DCBLD2: variants seen among roughly 807,000 people sequenced by gnomAD.
The protein encoded by DCBLD2 is discoidin, CUB and LCCL domain containing 2, also known as discoidin, CUB and LCCL domain-containing protein 2.
Under a neutral mutation model 86.8 loss-of-function variants are expected in DCBLD2, and 54 were observed. The ratio of observed to expected loss-of-function variants is 0.62; its 90% CI spans 0.50 to 0.78. DCBLD2 has a LOEUF of 0.78. DCBLD2 is among the 30% of genes least tolerant of loss of function. The pLI is 0.00. For synonymous variants in DCBLD2, 354 were observed against 341.3 expected (o/e 1.04, Z -0.41); for missense variants, 908 against 954.2 (o/e 0.95, Z 0.64).
At chr3:98,888,303 A>T (rs1943596270) in intron 1 of DCBLD2, among the ~76,000 whole-genome samples, 1 of 151,984 alleles carries the variant, frequency 6.6e-6, no homozygotes, top group Non-Finnish European at 1.5e-5. Context: ...ATGTGTGATA[A>T]TCTACAAAAC....
chr3:98,835,936 TTC>T (rs1942434972), intron 3 of DCBLD2, among the ~76,000 whole-genome samples: 3 of 37,090 alleles, frequency 8.1e-5, no homozygotes, highest in East Asian at 1.7e-3. Flanking sequence ...CTTCCTTTCT[TTC>T]TTTTTTTTTT....
chr3:98,855,306 A>T (rs889793764), intron 2 of DCBLD2, among the ~76,000 whole-genome samples: 2 of 152,180 alleles, frequency 1.3e-5, no homozygotes, highest in Non-Finnish European at 2.9e-5. Context: ...GTACACACAC[A>T]CCAGAACAGT....
At chr3:98,869,057 G>A (rs747116168) in intron 2 of DCBLD2, among the ~76,000 whole-genome samples, 1 of 152,182 alleles carries the variant, frequency 6.6e-6, no homozygotes, top group African/African-American at 2.4e-5. Flanking sequence ...TTCCACAGAG[G>A]TTGAACTAAT....
Position 98,899,668 on chromosome 3 carries a change from C to G in DCBLD2, c.205+1454G>C, listed in dbSNP as rs535751725. 8.5e-5 allele frequency among the ~76,000 whole-genome samples: 13 copies of G among 152,184 alleles called. 1 individual carries two copies. Among genetic ancestry groups the G allele is most frequent in the Admixed American group, 7.9e-4 (12 of 15,284 alleles). On this transcript the variant is annotated intron_variant, in intron 1 of 15. Coordinates refer to ENST00000326840, the MANE Select transcript of DCBLD2 (RefSeq NM_080927.4). ...ATACAAACACTATCAGATCCAGAAA[C>G]AAGCAAAGCAGAGTACTCTGCCTAT...
chr3:98,847,606 C>A (rs1419471326), intron 3 of DCBLD2, among the ~76,000 whole-genome samples: 1 of 152,170 alleles, frequency 6.6e-6, no homozygotes, highest in Non-Finnish European at 1.5e-5. Context: ...TTATCTCAAG[C>A]CCACCATAGC....
chr3:98,848,496 T>G (rs35422064), intron 3 of DCBLD2, among the ~76,000 whole-genome samples: 10,540 of 152,266 alleles, frequency 0.069, 458 homozygotes, highest in African/African-American at 0.096. Flanking sequence ...AGTAATAGGA[T>G]TGCTGGGTTG....
intron 2 of DCBLD2, among the ~76,000 whole-genome samples, chr3:98,870,793 GAAAGAAAGA>G: frequency 6.6e-6 from 1 of 150,946 alleles, no homozygotes; most frequent in South Asian, 2.1e-4. Flanking sequence ...AAGAAAGAAA[GAAAGAAAGA>G]AAGAAAGAAA....
At chr3:98,886,634 T>C (rs1466664374) in intron 1 of DCBLD2, among the ~76,000 whole-genome samples, 2 of 152,010 alleles carry the variant, frequency 1.3e-5, no homozygotes, top group Non-Finnish European at 2.9e-5. Context: ...ATTTTTGAAT[T>C]TTAATTTTAT....
intron 2 of DCBLD2, among the ~76,000 whole-genome samples, chr3:98,850,907 G>T (rs968819846): frequency 2.6e-5 from 4 of 152,058 alleles, no homozygotes; most frequent in African/African-American, 9.7e-5. Flanking sequence ...AAAAACTTAG[G>T]AATAAAATTG....
chr3:98,868,731 A>C (rs1421812047), intron 2 of DCBLD2, among the ~76,000 whole-genome samples: 1 of 152,124 alleles, frequency 6.6e-6, no homozygotes. Context: ...GAGTTACTTT[A>C]CTTAGGATAA....
At chr3:98,812,196 TC>T in intron 10 of DCBLD2, 135 bp downstream of exon 10, 2 of 1,203,102 alleles carry the variant, frequency 1.7e-6, no homozygotes, top group Non-Finnish European at 2.3e-6. Context: ...TTTTTTAACA[TC>T]CCTTTAAGAA....
intron 12 of DCBLD2, among the ~76,000 whole-genome samples, chr3:98,808,633 TAAAC>T (rs1281647810): frequency 5.3e-5 from 8 of 152,254 alleles, no homozygotes; most frequent in Non-Finnish European, 1.0e-4. Flanking sequence ...AAATACAAGT[TAAAC>T]AACCAACACA....
intron 2 of DCBLD2, among the ~76,000 whole-genome samples, chr3:98,862,346 G>T (rs1176901038): frequency 6.6e-6 from 1 of 152,106 alleles, no homozygotes; most frequent in Non-Finnish European, 1.5e-5. Flanking sequence ...AGAAAAAGAG[G>T]GAATCCTCCC....
In DCBLD2 at chr3:98,812,497, C is replaced by A. The variant is rs911100868; in HGVS notation, c.1213-15G>T. 1.9e-6 allele frequency: 3 copies of A among 1,606,068 alleles called. No individual in the cohort carries two copies. Among genetic ancestry groups the A allele is most frequent in the Non-Finnish European group, 2.6e-6 (3 of 1,175,946 alleles). On this transcript the variant is annotated splice_polypyrimidine_tract_variant and intron_variant, in intron 9 of 15. Transcript: ENST00000326840. Reference sequence around the variant, plus strand: ...CCTTGAAATATCTTTAAAAAAACAACAAAAAATTGGTACTTCAAATCAATA... The same window carrying A: ...CCTTGAAATATCTTTAAAAAAACAAAAAAAAATTGGTACTTCAAATCAATA...
At chr3:98,865,628 C>T (rs1381766548) in intron 2 of DCBLD2, among the ~76,000 whole-genome samples, 2 of 152,054 alleles carry the variant, frequency 1.3e-5, no homozygotes, top group African/African-American at 2.4e-5. Context: ...TGAGGTAATG[C>T]ATTTATTAGT....
At chr3:98,800,437 T>G in intron 15 of DCBLD2, 142 bp downstream of exon 15, 1 of 883,032 alleles carries the variant, frequency 1.1e-6, no homozygotes, top group Non-Finnish European at 1.7e-6. Context: ...AGTCACCTTT[T>G]AAAAAAGTGG....
intron 13 of DCBLD2, among the ~76,000 whole-genome samples, chr3:98,803,940 G>T (rs1056065034): frequency 6.6e-5 from 10 of 152,266 alleles, no homozygotes; most frequent in African/African-American, 2.4e-4. Flanking sequence ...TGCTGGATTC[G>T]GTTTGCCAGT....
At chr3:98,860,541 C>T (rs187435427) in intron 2 of DCBLD2, among the ~76,000 whole-genome samples, 5 of 152,292 alleles carry the variant, frequency 3.3e-5, no homozygotes, top group Admixed American at 2.0e-4. Context: ...AGAAACTCTA[C>T]AAGCCAGAAG....
chr3:98,872,792 A>C (rs972417521), intron 2 of DCBLD2, among the ~76,000 whole-genome samples: 1 of 152,200 alleles, frequency 6.6e-6, no homozygotes, highest in African/African-American at 2.4e-5. Flanking sequence ...AACCAGAAGG[A>C]CAGAAAACAA....
Sources: allele counts gnomAD v4.1 joint callset (sites outside exome capture counted in the v4.1 genomes callset), GRCh38; gene constraint gnomAD v4.1.1; transcripts MANE v1.5; gene names NCBI Gene and HGNC (gene_info 2026-07-23, HGNC 2026-07-21).